KLHL1: variants seen among roughly 807,000 people sequenced by gnomAD.
KLHL1 encodes kelch like family member 1.
In KLHL1, 47 loss-of-function variants were observed where a neutral mutation model predicts 77.7. The ratio of observed to expected loss-of-function variants is 0.60; its 90% CI spans 0.48 to 0.77. The LOEUF (loss-of-function observed/expected upper bound fraction) is 0.77. KLHL1 is among the 30% of genes least tolerant of loss of function. The pLI, the probability that KLHL1 is intolerant of heterozygous loss-of-function variation, is 0.00. For synonymous variants in KLHL1, 360 were observed against 325.2 expected (o/e 1.11, Z -1.15); for missense variants, 925 against 910.8 (o/e 1.02, Z -0.20).
intron 1 of KLHL1, among the ~76,000 whole-genome samples, chr13:70,097,135 C>T (rs1887811105): frequency 6.6e-6 from 1 of 151,844 alleles, no homozygotes; most frequent in African/African-American, 2.4e-5. Flanking sequence ...TGAGAACTTC[C>T]CCCCACTATC....
intron 1 of KLHL1, among the ~76,000 whole-genome samples, chr13:70,016,418 C>G (rs1356126983): frequency 6.6e-6 from 1 of 152,224 alleles, no homozygotes; most frequent in South Asian, 2.1e-4. Flanking sequence ...CCCAGGAAGA[C>G]CCCCTGTCCC....
rs370644626 is a variant in KLHL1, at chr13:70,107,576, C to T, written c.124G>A (p.Gly42Ser). 23 of 1,604,988 alleles carry T rather than the reference C, an allele frequency of 1.4e-5. No homozygotes were observed. The highest frequency in any genetic ancestry group is 1.2e-4 in the South Asian group (11 of 89,676). The stretch of plus-strand genomic sequence containing the variant: ...CCCCAGTGCTCAAAGCTGCCACTGC[C>T]GTCCTGTTGCAGGCAGCCTCCCCCC... ...PAGGGCLQQD[G>S]SGSFEHWGPS... The change falls in exon 1 of 11, where the codon GGC becomes AGC. Residue 42 changes from glycine (G) to serine (S), a missense_variant. Transcript: ENST00000377844.
chr13:70,046,022 T>C (rs1461088917), intron 1 of KLHL1, among the ~76,000 whole-genome samples: 1 of 152,192 alleles, frequency 6.6e-6, no homozygotes, highest in Non-Finnish European at 1.5e-5. Context: ...TTTATTTATC[T>C]ACTCTCTTTC....
At chr13:69,794,217 C>A (rs1019591773) in intron 7 of KLHL1, among the ~76,000 whole-genome samples, 1 of 152,116 alleles carries the variant, frequency 6.6e-6, no homozygotes, top group Non-Finnish European at 1.5e-5. Flanking sequence ...CTAGAGATAA[C>A]AGCAAATAGG....
At chr13:69,779,347 T>TTC (rs1342945289) in intron 7 of KLHL1, among the ~76,000 whole-genome samples, 8 of 151,612 alleles carry the variant, frequency 5.3e-5, no homozygotes, top group Admixed American at 2.0e-4. Context: ...CTTCCTTCCC[T>TTC]CCTCTTTTTT....
intron 1 of KLHL1, among the ~76,000 whole-genome samples, chr13:70,058,423 G>A (rs1036387350): frequency 8.5e-5 from 13 of 152,234 alleles, no homozygotes; most frequent in African/African-American, 2.9e-4. Flanking sequence ...TAGCATTTAT[G>A]TATGCCAAGA....
At chr13:69,859,818 G>A (rs1424312) in intron 5 of KLHL1, among the ~76,000 whole-genome samples, 49,019 of 151,892 alleles carry the variant, frequency 0.32, 8,475 homozygotes, top group African/African-American at 0.46. Flanking sequence ...AGTAGAATGC[G>A]TTTTGCATAG....
At chr13:69,904,849 T>G (rs908757859) in intron 4 of KLHL1, among the ~76,000 whole-genome samples, 2 of 152,178 alleles carry the variant, frequency 1.3e-5, no homozygotes, top group Admixed American at 6.5e-5. Context: ...TATGATTCCT[T>G]TAACTGCCTT....
intron 1 of KLHL1, among the ~76,000 whole-genome samples, chr13:70,050,721 A>C (rs1886610044): frequency 6.6e-6 from 1 of 152,024 alleles, no homozygotes; most frequent in African/African-American, 2.4e-5. Flanking sequence ...TCAAAATATA[A>C]GTGTTAACCT....
At chr13:70,105,527 G>A (rs1018650640) in intron 1 of KLHL1, among the ~76,000 whole-genome samples, 3 of 151,318 alleles carry the variant, frequency 2.0e-5, no homozygotes, top group Non-Finnish European at 4.4e-5. Flanking sequence ...TTCTTCCTGA[G>A]CTGTTAGAGT....
chr13:69,781,285 CTT>C (rs869083780), intron 7 of KLHL1, among the ~76,000 whole-genome samples: 23,208 of 118,876 alleles, frequency 0.2, 583 homozygotes, highest in South Asian at 0.29. Context: ...TTTTTTCTTT[CTT>C]TTTTTTTTTT....
intron 7 of KLHL1, among the ~76,000 whole-genome samples, chr13:69,760,094 T>C (rs890906943): frequency 6.6e-6 from 1 of 152,166 alleles, no homozygotes; most frequent in Admixed American, 6.5e-5. Context: ...AAATTTTGAA[T>C]ACCAATTTAG....
At chr13:69,846,824 T>C (rs1309042651) in intron 5 of KLHL1, among the ~76,000 whole-genome samples, 1 of 148,456 alleles carries the variant, frequency 6.7e-6, no homozygotes, top group Non-Finnish European at 1.5e-5. Flanking sequence ...TTTCCAAGAG[T>C]ATTATATGAT....
chr13:69,908,871 A>G (rs1169714582), intron 4 of KLHL1, among the ~76,000 whole-genome samples: 1 of 150,848 alleles, frequency 6.6e-6, no homozygotes, highest in Non-Finnish European at 1.5e-5. Flanking sequence ...CAGTGTTAAA[A>G]GAGTGTTTTT....
At chr13:69,710,841 G>A (rs1875841604) in intron 9 of KLHL1, among the ~76,000 whole-genome samples, 2 of 151,946 alleles carry the variant, frequency 1.3e-5, no homozygotes, top group African/African-American at 4.8e-5. Context: ...GGTGGTGGGT[G>A]TGGGGTCTTA....
intron 1 of KLHL1, among the ~76,000 whole-genome samples, chr13:70,000,607 A>G (rs1280147669): frequency 6.6e-6 from 1 of 151,848 alleles, no homozygotes; most frequent in African/African-American, 2.4e-5. Flanking sequence ...ACATTCTCTG[A>G]CCACAATGCA....
intron 1 of KLHL1, among the ~76,000 whole-genome samples, chr13:69,997,275 T>C (rs1885179964): frequency 6.6e-6 from 1 of 150,532 alleles, no homozygotes; most frequent in South Asian, 2.1e-4. Context: ...AATTTTATTT[T>C]TTCTTTTTTA....
intron 6 of KLHL1, among the ~76,000 whole-genome samples, chr13:69,806,510 GAAGT>G (rs1366022889): frequency 6.6e-6 from 1 of 152,128 alleles, no homozygotes; most frequent in Non-Finnish European, 1.5e-5. Flanking sequence ...GGAAGTGCCA[GAAGT>G]AAGTAAAGAT....
chr13:69,929,351 A>G (rs114843066), intron 4 of KLHL1, among the ~76,000 whole-genome samples: 1,903 of 152,100 alleles, frequency 0.013, 37 homozygotes, highest in African/African-American at 0.042. Context: ...CGCCTTCAGT[A>G]ATTGGGAAGA....
Sources: allele counts gnomAD v4.1 joint callset (sites outside exome capture counted in the v4.1 genomes callset), GRCh38; gene constraint gnomAD v4.1.1; transcripts MANE v1.5; gene names NCBI Gene and HGNC (gene_info 2026-07-23, HGNC 2026-07-21).